The following SCHIP1 variants were observed in gnomAD, a reference collection of about 807,000 sequenced individuals.
SCHIP1 encodes schwannomin-interacting protein 1.
A neutral mutation model predicts 29.7 loss-of-function variants in SCHIP1; 8 were observed. The ratio of observed to expected loss-of-function variants is 0.27; its 90% CI spans 0.16 to 0.49. SCHIP1 has a LOEUF of 0.49. Ranked by LOEUF, SCHIP1 falls within the 20% of genes least tolerant of loss-of-function variation. SCHIP1 has a pLI of 0.99. For missense variants in SCHIP1, 193 were observed against 294.6 expected (o/e 0.66, Z 2.52); for synonymous variants, 76 against 94.9 (o/e 0.80, Z 1.16).
the SCHIP1 span, among the ~76,000 whole-genome samples, chr3:159,382,015 G>C: frequency 6.6e-6 from 1 of 152,002 alleles, no homozygotes; most frequent in Non-Finnish European, 1.5e-5. Context: ...TAAATGCTTC[G>C]GCCTAATAGT....
chr3:159,425,545 G>A, the SCHIP1 span, among the ~76,000 whole-genome samples: 40 of 152,146 alleles, frequency 2.6e-4, no homozygotes, highest in African/African-American at 9.4e-4. Context: ...CATAAAGCAA[G>A]TCCTGAGTGA....
At chr3:159,838,984 T>G (rs1743943986), upstream of SCHIP1, among the ~76,000 whole-genome samples, 1 of 151,996 alleles carries the variant, frequency 6.6e-6, no homozygotes. Context: ...TAAGAAAATT[T>G]TATTTAACTT....
chr3:159,407,217 CA>C, the SCHIP1 span, among the ~76,000 whole-genome samples: 1 of 151,848 alleles, frequency 6.6e-6, no homozygotes, highest in Non-Finnish European at 1.5e-5. Flanking sequence ...CAGTGGAAAC[CA>C]AAAACAGCAG....
At chr3:159,643,962 A>C in the SCHIP1 span, among the ~76,000 whole-genome samples, 1 of 152,104 alleles carries the variant, frequency 6.6e-6, no homozygotes, top group African/African-American at 2.4e-5. Flanking sequence ...TACTGATAAC[A>C]GATACAGTAA....
chr3:159,333,412 A>T, the SCHIP1 span, among the ~76,000 whole-genome samples: 1 of 152,204 alleles, frequency 6.6e-6, no homozygotes, highest in African/African-American at 2.4e-5. Flanking sequence ...TATTATTCAC[A>T]TTATTATAAG....
At chr3:159,329,299 C>A in the SCHIP1 span, among the ~76,000 whole-genome samples, 1 of 152,210 alleles carries the variant, frequency 6.6e-6, no homozygotes, top group African/African-American at 2.4e-5. Context: ...CTGGCATCAA[C>A]TAACCTGTGG....
chr3:159,397,138 C>T, the SCHIP1 span, among the ~76,000 whole-genome samples: 24 of 151,806 alleles, frequency 1.6e-4, no homozygotes, highest in East Asian at 3.7e-3. Flanking sequence ...CTGCATTCTT[C>T]ACGTAGTTCT....
At chr3:159,828,505 A>T in the SCHIP1 span, among the ~76,000 whole-genome samples, 1 of 149,530 alleles carries the variant, frequency 6.7e-6, no homozygotes, top group Non-Finnish European at 1.5e-5. Context: ...ATGTAGCTGA[A>T]GATTTATGTA....
chr3:159,393,751 G>T, the SCHIP1 span, among the ~76,000 whole-genome samples: 1 of 151,004 alleles, frequency 6.6e-6, no homozygotes, highest in South Asian at 2.1e-4. Context: ...GTAGTGTGAT[G>T]CCTCCAGCTT....
the SCHIP1 span, among the ~76,000 whole-genome samples, chr3:159,534,873 T>C: frequency 6.6e-6 from 1 of 152,318 alleles, no homozygotes; most frequent in East Asian, 1.9e-4. Context: ...CATCCAAGTT[T>C]ATGTATCTAT....
chr3:159,617,060 G>T, the SCHIP1 span, among the ~76,000 whole-genome samples: 1 of 152,308 alleles, frequency 6.6e-6, no homozygotes, highest in Admixed American at 6.5e-5. Context: ...CTGAGTTAGA[G>T]CATTGATGCT....
the SCHIP1 span, among the ~76,000 whole-genome samples, chr3:159,496,641 T>C: frequency 6.6e-6 from 1 of 152,292 alleles, no homozygotes; most frequent in Admixed American, 6.5e-5. Context: ...ATAGGAACAC[T>C]TTTACACTGT....
chr3:159,657,729 T>A, the SCHIP1 span, among the ~76,000 whole-genome samples: 1 of 152,190 alleles, frequency 6.6e-6, no homozygotes, highest in Non-Finnish European at 1.5e-5. Flanking sequence ...CAATTTTAAA[T>A]TAATAAGTGC....
chr3:159,742,304 A>G, the SCHIP1 span, among the ~76,000 whole-genome samples: 20 of 152,338 alleles, frequency 1.3e-4, 1 homozygote, highest in Non-Finnish European at 1.5e-4. Context: ...TTATCGCAGG[A>G]CCGGGACAAG....
the SCHIP1 span, among the ~76,000 whole-genome samples, chr3:159,662,631 A>T: frequency 1.3e-5 from 2 of 152,218 alleles, no homozygotes; most frequent in East Asian, 1.9e-4. Context: ...AAGAACAAGA[A>T]TATATGCACA....
chr3:159,453,815 A>T, the SCHIP1 span, among the ~76,000 whole-genome samples: 5 of 152,176 alleles, frequency 3.3e-5, no homozygotes, highest in African/African-American at 1.2e-4. Context: ...TAAGCTTTCA[A>T]GCCTTCTGCT....
At chr3:159,424,209 T>C in the SCHIP1 span, among the ~76,000 whole-genome samples, 7 of 151,804 alleles carry the variant, frequency 4.6e-5, no homozygotes, top group African/African-American at 2.4e-5. Context: ...CTTTGACGAG[T>C]TGAGAGAAGA....
the SCHIP1 span, among the ~76,000 whole-genome samples, chr3:159,284,638 G>A: frequency 6.6e-6 from 1 of 151,940 alleles, no homozygotes; most frequent in Admixed American, 6.6e-5. Flanking sequence ...ACAGGTGTAC[G>A]CCACCACACT....
At chr3:159,337,336 G>A in the SCHIP1 span, among the ~76,000 whole-genome samples, 6 of 152,126 alleles carry the variant, frequency 3.9e-5, no homozygotes, top group South Asian at 2.1e-4. Flanking sequence ...AGTGTTGGAA[G>A]TTCTGGCCAG....
Sources: allele counts gnomAD v4.1 joint callset (sites outside exome capture counted in the v4.1 genomes callset), GRCh38; gene constraint gnomAD v4.1.1; transcripts MANE v1.5; gene names NCBI Gene and HGNC (gene_info 2026-07-23, HGNC 2026-07-21).